The following ATG4A variants were observed in gnomAD, a reference collection of about 807,000 sequenced individuals.
The protein encoded by ATG4A is cysteine protease ATG4A.
Under a neutral mutation model 38.4 loss-of-function variants are expected in ATG4A, and 22 were observed. The observed-to-expected ratio is 0.57, with a 90% CI of 0.41 to 0.82. The LOEUF is 0.82. ATG4A is among the 40% of genes least tolerant of loss of function. ATG4A has a pLI of 0.00. For synonymous variants in ATG4A, 86 were observed against 100.7 expected (o/e 0.85, Z 0.88); for missense variants, 220 against 290.0 (o/e 0.76, Z 1.75).
At chrX:108,137,712 G>A (rs2033141905) in intron 7 of ATG4A, 92 bp from the exon 8 acceptor site, 1 of 905,119 alleles carries the variant, frequency 1.1e-6, no homozygotes, top group Non-Finnish European at 1.5e-6. Context: ...CAGGGTGGGG[G>A]GCATGTGAGG....
At chrX:108,091,695 G>T (rs1301982350), upstream of ATG4A, 7 of 970,750 alleles carry the variant, frequency 7.2e-6, no homozygotes, top group African/African-American at 1.1e-4. Flanking sequence ...GCAGTTCCGG[G>T]CAGGGAGGCG....
intron 1 of ATG4A, among the ~76,000 whole-genome samples, chrX:108,117,621 G>A (rs1346613599): frequency 9.0e-6 from 1 of 111,537 alleles, no homozygotes; most frequent in Non-Finnish European, 1.9e-5. Flanking sequence ...TATTAGAGAG[G>A]GCTTTAAGTG....
chrX:108,132,798 GA>G (rs1336061229), intron 4 of ATG4A, among the ~76,000 whole-genome samples: 1,479 of 71,183 alleles, frequency 0.021, 11 homozygotes, highest in African/African-American at 0.029. Context: ...GAGCAAACTG[GA>G]AAAAAAAAAA....
intron 3 of ATG4A, among the ~76,000 whole-genome samples, chrX:108,130,287 A>G (rs2032920900): frequency 9.0e-6 from 1 of 111,299 alleles, no homozygotes; most frequent in South Asian, 3.9e-4. Context: ...CATGTTTAGC[A>G]TATTTTTCCA....
intron 9 of ATG4A, among the ~76,000 whole-genome samples, chrX:108,138,498 G>A (rs910344576): frequency 1.8e-5 from 2 of 112,335 alleles, no homozygotes; most frequent in African/African-American, 3.2e-5. Context: ...TGCCTGTGGG[G>A]CCCAGGGTGG....
intron 1 of ATG4A, among the ~76,000 whole-genome samples, chrX:108,096,945 C>T (rs1366592985): frequency 1.8e-5 from 2 of 110,942 alleles, no homozygotes; most frequent in South Asian, 3.8e-4. Flanking sequence ...TATGATTGAA[C>T]GTTCCCTATT....
At chrX:108,114,121 A>G (rs1439178064) in intron 1 of ATG4A, among the ~76,000 whole-genome samples, 5 of 112,013 alleles carry the variant, frequency 4.5e-5, no homozygotes, top group African/African-American at 1.3e-4. Context: ...ATTTGAGTAT[A>G]CTTGCTGATC....
At chrX:108,134,622 T>C (rs2033049400) in intron 6 of ATG4A, among the ~76,000 whole-genome samples, 1 of 112,010 alleles carries the variant, frequency 8.9e-6, no homozygotes, top group Admixed American at 9.5e-5. Context: ...TTATATTCAC[T>C]GGTAGCAGTA....
intron 6 of ATG4A, 44 bp downstream of exon 6, chrX:108,134,455 A>G (rs754341850): frequency 8.9e-7 from 1 of 1,121,692 alleles, no homozygotes; most frequent in African/African-American, 1.8e-5. Context: ...GCTGTCTCCT[A>G]TGCTTCCCTC....
rs140364887 is a variant in ATG4A, at chrX:108,150,112, G to A, written c.815-40G>A. The A allele has an allele frequency of 5.1e-3, 6,121 of 1,199,375 alleles. 178 individuals carry two copies. In the African/African-American group the frequency reaches 0.093, roughly 18 times the overall value. ...CCAACAACAGCAGTGGGCCAGGACC[G>A]GTAATCCTTTGAAGGTTAAGCATAT... is the stretch of plus-strand genomic sequence containing the variant. On this transcript the variant is annotated intron_variant, in intron 9 of 12. Transcript: ENST00000372232.
chrX:108,127,180 A>G (rs1336738296), intron 2 of ATG4A: 1 of 113,452 alleles, frequency 8.8e-6, no homozygotes, highest in Non-Finnish European at 1.8e-5. Flanking sequence ...CTAATTCTGC[A>G]TTCCATGACA....
intron 7 of ATG4A, 137 bp from the exon 8 acceptor site, chrX:108,137,667 C>A: frequency 1.7e-6 from 1 of 572,160 alleles, no homozygotes; most frequent in Non-Finnish European, 2.7e-6. Flanking sequence ...GGGGAGTCAG[C>A]TGAGCCCTGG....
At chrX:108,093,607 G>A (rs762384722) in intron 1 of ATG4A, among the ~76,000 whole-genome samples, 7 of 111,457 alleles carry the variant, frequency 6.3e-5, no homozygotes, top group African/African-American at 2.3e-4. Flanking sequence ...TGGATCACAG[G>A]GAAAATTTAT....
At chrX:108,153,528 T>G in intron 12 of ATG4A, 114 bp from the exon 13 acceptor site, 1 of 552,111 alleles carries the variant, frequency 1.8e-6, no homozygotes, top group Non-Finnish European at 3.0e-6. Context: ...ACACAAGTCT[T>G]TCTTTAGTAC....
chrX:108,095,250 G>A (rs1319202816), intron 1 of ATG4A, among the ~76,000 whole-genome samples: 1 of 108,071 alleles, frequency 9.3e-6, no homozygotes, highest in Non-Finnish European at 1.9e-5. Context: ...ATTGAGACAG[G>A]GTCTTCTTCT....
intron 9 of ATG4A, chrX:108,143,724 A>T (rs1046734782): frequency 4.5e-5 from 11 of 244,330 alleles, no homozygotes; most frequent in Non-Finnish European, 8.5e-5. Flanking sequence ...AGCAGAACGT[A>T]ATGTCGGGGG....
At position 108,127,729 on chromosome X, in the gene ATG4A, A is replaced by G. The variant is rs749567154; in HGVS notation, c.122-1052A>G. 6.2e-5 allele frequency among the ~76,000 whole-genome samples: 7 copies of G among 112,533 alleles called. No individual in the cohort carries two copies. In the South Asian group the frequency reaches 2.2e-3, roughly 36 times the overall value. On this transcript the variant is annotated intron_variant, in intron 2 of 12. Transcript: ENST00000372232. ...AGACAGAAAATAGAAACTATTGGCT[A>G]AAAGTAGATTTCCCTTTGTTCTTTT...
At chrX:108,137,447 A>G (rs1272636938) in intron 7 of ATG4A, among the ~76,000 whole-genome samples, 3 of 112,692 alleles carry the variant, frequency 2.7e-5, no homozygotes, top group Non-Finnish European at 5.6e-5. Context: ...CAGATCTTTC[A>G]TGGAGGCTCA....
At chrX:108,150,326 G>A in intron 10 of ATG4A, 29 bp downstream of exon 10, 1 of 1,209,779 alleles carries the variant, frequency 8.3e-7, no homozygotes, top group South Asian at 1.8e-5. Flanking sequence ...GGTGGGCCAG[G>A]AGATACGATG....
Sources: allele counts gnomAD v4.1 joint callset (sites outside exome capture counted in the v4.1 genomes callset), GRCh38; gene constraint gnomAD v4.1.1; transcripts MANE v1.5; gene names NCBI Gene and HGNC (gene_info 2026-07-23, HGNC 2026-07-21).